HINFP: variants seen among roughly 807,000 people sequenced by gnomAD.
HINFP encodes the protein histone H4 transcription factor.
Under a neutral mutation model 50.1 loss-of-function variants are expected in HINFP, and 20 were observed. The observed-to-expected ratio is 0.40, with a 90% CI of 0.28 to 0.58. The LOEUF (loss-of-function observed/expected upper bound fraction) is 0.58, where lower values mean the gene tolerates loss of function less well. Ranked by LOEUF, HINFP falls within the 20% of genes least tolerant of loss-of-function variation. HINFP has a pLI of 0.45. For missense variants in HINFP, 505 were observed against 664.1 expected (o/e 0.76, Z 2.63); for synonymous variants, 247 against 243.7 (o/e 1.01, Z -0.13).
chr11:119,133,621 G>T, intron 9 of HINFP: 1 of 205,584 alleles, frequency 4.9e-6, no homozygotes, highest in Non-Finnish European at 9.9e-6. Context: ...TTTGATGGTG[G>T]TTTTATGTCT....
rs191611649 is a variant in HINFP at position 119,128,757 on chromosome 11, G to A, written c.181+1632G>A. The stretch of plus-strand genomic sequence containing the variant: ...CTCTGTCGCCAGGCTGGAGTGTGGT[G>A]GTGCGATCTCAGCTCACTGCAACCT... On this transcript the variant is annotated intron_variant, in intron 2 of 9. Coordinates refer to ENST00000350777, the MANE Select transcript of HINFP (RefSeq NM_198971.3). Among the ~76,000 whole-genome samples the A allele has an allele frequency of 2.3e-3, 352 of 151,378 alleles. 4 individuals are homozygous for A. The highest frequency in any genetic ancestry group is 8.3e-3 in the African/African-American group (340 of 41,210).
In HINFP at chr11:119,134,792, G is replaced by A. The variant is rs1489644565; in HGVS notation, c.*294G>A. 6.6e-6 allele frequency: 2 copies of A among 302,918 alleles called. No individual in the cohort carries two copies. The highest frequency in any genetic ancestry group is 1.1e-4 in the East Asian group (2 of 17,598). 18.8% of individuals were successfully genotyped at this position (302,918 alleles called of 1,614,324 possible). ...GGCTTAACCATAACCCTCAAGATCTGCTTGACAGTGATTAAATCCTTAGCT... is the reference window on the plus strand; with the variant it reads ...GGCTTAACCATAACCCTCAAGATCTACTTGACAGTGATTAAATCCTTAGCT... On this transcript the variant is annotated 3_prime_UTR_variant, in exon 10 of 10. Transcript: ENST00000350777. This position sits in a 1 kb window ranked among gnomAD's most constrained non-coding sequence, Gnocchi z 4.3.
chr11:119,127,164 A>C, intron 2 of HINFP, 39 bp downstream of exon 2: 1 of 1,495,330 alleles, frequency 6.7e-7, no homozygotes, highest in Non-Finnish European at 8.9e-7. Context: ...GAGCTCAAGG[A>C]AAGGTGGAAA....
chr11:119,131,725 T>C lies in HINFP; in HGVS notation c.523+79T>C, dbSNP rs2135072654. On this transcript the variant is annotated intron_variant, in intron 4 of 9. Coordinates refer to ENST00000350777, the MANE Select transcript of HINFP (RefSeq NM_198971.3). The surrounding 1 kb of genome is among the most constrained non-coding windows in gnomAD (Gnocchi z 4.2). Reference sequence around the variant, plus strand: ...GAGCTGGGACAGAAAGGGATAGGGGTCCTACAGGGGCAAGGTTGACTGCCG... The same window carrying C: ...GAGCTGGGACAGAAAGGGATAGGGGCCCTACAGGGGCAAGGTTGACTGCCG... 1.3e-6 allele frequency: 2 copies of C among 1,586,172 alleles called. No homozygotes were observed. The highest frequency in any genetic ancestry group is 1.7e-6 in the Non-Finnish European group (2 of 1,155,786).
At chr11:119,129,363 G>C (rs1306905718) in intron 2 of HINFP, among the ~76,000 whole-genome samples, 1 of 151,504 alleles carries the variant, frequency 6.6e-6, no homozygotes, top group African/African-American at 2.4e-5. Context: ...TTTAGAGACA[G>C]AGTCTTGCTA....
At chr11:119,130,370 A>G (rs1256559119) in intron 2 of HINFP, 1 of 266,436 alleles carries the variant, frequency 3.8e-6, no homozygotes, top group Admixed American at 5.1e-5. Flanking sequence ...CACCATGTCA[A>G]ATGACCTCTG....
intron 5 of HINFP, 174 bp downstream of exon 5, chr11:119,132,156 T>C (rs1947797907): frequency 1.4e-6 from 1 of 691,184 alleles, no homozygotes; most frequent in Non-Finnish European, 2.4e-6. Context: ...GGCATTGTTA[T>C]TCAGTACTTA....
In HINFP at chr11:119,131,962, G is replaced by A. The variant is rs777972988; in HGVS notation, c.656G>A (p.Arg219His). The A allele has an allele frequency of 1.9e-5, 31 of 1,613,968 alleles. No individual in the cohort carries two copies. The highest frequency in any genetic ancestry group is 2.4e-5 in the Non-Finnish European group (28 of 1,180,018). Residue 219 changes from arginine (R) to histidine (H), a missense_variant, in exon 5 of 10, where the codon CGT becomes CAT. Coordinates refer to ENST00000350777, the MANE Select transcript of HINFP (RefSeq NM_198971.3). This position sits in a 1 kb window ranked among gnomAD's most constrained non-coding sequence, Gnocchi z 4.2. The part of the protein sequence containing the change: ...ANNTKFLDHI[R>H]RQTSLDQQHF... ...AATACCAAGTTCTTAGATCACATCC[G>A]TCGCCAGACCTCATTGGATCGTAAG...
At position 119,131,279 on chromosome 11, in the gene HINFP, A is replaced by G. The variant is rs1210000042; in HGVS notation, c.412-256A>G. The stretch of plus-strand genomic sequence containing the variant: ...AACTTCTAAATTTTTTGTAGAGACA[A>G]GGTCTGGGTGTGTTGCCCAGGCCGG... On this transcript the variant is annotated intron_variant, in intron 3 of 9. Transcript: ENST00000350777. This position sits in a 1 kb window ranked among gnomAD's most constrained non-coding sequence, Gnocchi z 4.2. 1.8e-6 allele frequency: 1 copy of G among 567,766 alleles called. No homozygotes were observed. Among genetic ancestry groups the G allele is most frequent in the East Asian group, 3.3e-5 (1 of 30,684 alleles). The allele number at this position is 567,766 out of a possible 1,614,324, so 35.2% of individuals were successfully genotyped here.
chr11:119,128,556 G>A (rs1023908360), intron 2 of HINFP, among the ~76,000 whole-genome samples: 1 of 150,254 alleles, frequency 6.7e-6, no homozygotes, highest in Non-Finnish European at 1.5e-5. Flanking sequence ...TTGAACTCCT[G>A]ACCTCAGGTG....
Position 119,129,490 on chromosome 11 carries a change from C to CTTTT in HINFP, c.182-1223_182-1220dup, listed in dbSNP as rs59395600. ...TCTGGCAGGAATACATTTTTCTTTT[C>CTTTT]TTTTTTTTTTTTTTTGTGGGAGTGC... On this transcript the variant is annotated intron_variant, in intron 2 of 9. Transcript: ENST00000350777. Among the ~76,000 whole-genome samples the CTTTT allele has an allele frequency of 1.8e-4, 22 of 124,182 alleles. 2 individuals are homozygous for CTTTT. In the East Asian group the frequency reaches 4.0e-3, roughly 23 times the overall value. The allele number at this position is 124,182 out of a possible 152,430, so 81.5% of individuals were successfully genotyped here.
At chr11:119,133,044 G>A in intron 8 of HINFP, 42 bp downstream of exon 8, 1 of 1,614,146 alleles carries the variant, frequency 6.2e-7, no homozygotes, top group South Asian at 1.1e-5. Flanking sequence ...GGAAGTATGG[G>A]GGACCCTGGG....
chr11:119,131,052 C>T lies in HINFP; in HGVS notation c.411+98C>T. ...GGGATGCCTTATATTTCCAAGATTC[C>T]TGCTAGTATCTCTCTTCCATTTCTT... is the stretch of plus-strand genomic sequence containing the variant. On this transcript the variant is annotated intron_variant, in intron 3 of 9. Coordinates refer to ENST00000350777, the MANE Select transcript of HINFP (RefSeq NM_198971.3). The surrounding 1 kb of genome is among the most constrained non-coding windows in gnomAD (Gnocchi z 4.2). 2.1e-6 allele frequency: 2 copies of T among 943,868 alleles called. No individual in the cohort carries two copies. Among genetic ancestry groups the T allele is most frequent in the African/African-American group, 1.6e-5 (1 of 61,934 alleles). 58.5% of individuals were successfully genotyped at this position (943,868 alleles called of 1,614,324 possible).
In HINFP at chr11:119,132,707, T is replaced by G. The variant is rs1947836435; in HGVS notation, c.801T>G (p.Pro267=). 1 of 1,613,902 alleles carries G rather than the reference T, an allele frequency of 6.2e-7. No homozygotes were observed. The highest frequency in any genetic ancestry group is 8.5e-7 in the Non-Finnish European group (1 of 1,180,024). The stretch of plus-strand genomic sequence containing the variant: ...TGTGTGACATGACCTGCCCGCTGCC[T>G]TCCTCCCTCCGCAACCACATGCGCT... ...CPLCDMTCPL[P]SSLRNHMRFR... The change falls in exon 7 of 10, where the codon CCT becomes CCG. Residue 267 remains proline (P), a synonymous_variant. Transcript: ENST00000350777.
At chr11:119,122,476 A>C (rs931969404) in intron 1 of HINFP, among the ~76,000 whole-genome samples, 3 of 152,198 alleles carry the variant, frequency 2.0e-5, no homozygotes, top group Non-Finnish European at 4.4e-5. Context: ...GGCAACATGA[A>C]AATAGGGTTG....
chr11:119,133,802 C>A, intron 9 of HINFP: 1 of 547,300 alleles, frequency 1.8e-6, no homozygotes, highest in Non-Finnish European at 3.3e-6. Flanking sequence ...AGCTCCAAGG[C>A]CTTCTCATAA....
At position 119,133,120 on chromosome 11, in the gene HINFP, G is replaced by A. The variant is rs1283417755; in HGVS notation, c.1040G>A (p.Cys347Tyr). The change falls in exon 9 of 10, where the codon TGT (cysteine) becomes TAT (tyrosine). Residue 347 changes from cysteine (C) to tyrosine (Y), a missense_variant. By Grantham distance (194) the Cys-to-Tyr change is radical. Transcript: ENST00000350777. ...GGAGACTCTGAGCCAAGGTACAAAT[G>A]TCATGTGTGTGACAAATGCTTCACA... ...HEGDSEPRYK[C>Y]HVCDKCFTRG... is the part of the protein sequence containing the mutation. 1 of 1,614,114 alleles carries A rather than the reference G, an allele frequency of 6.2e-7. No individual in the cohort carries two copies.
At position 119,131,406 on chromosome 11, in the gene HINFP, C is replaced by A; in HGVS notation, c.412-129C>A. Reference sequence around the variant, plus strand: ...ACCCGGCCACTCCTCCATTTCTGTGCAGTGCCTTTCCTCAAAATTTCCCAT... The same window carrying A: ...ACCCGGCCACTCCTCCATTTCTGTGAAGTGCCTTTCCTCAAAATTTCCCAT... On this transcript the variant is annotated intron_variant, in intron 3 of 9. Coordinates refer to ENST00000350777, the MANE Select transcript of HINFP (RefSeq NM_198971.3). The surrounding 1 kb of genome is among the most constrained non-coding windows in gnomAD (Gnocchi z 4.2). 1.4e-6 allele frequency: 1 copy of A among 710,924 alleles called. No homozygotes were observed. Among genetic ancestry groups the A allele is most frequent in the Non-Finnish European group, 2.5e-6 (1 of 392,192 alleles). The allele number at this position is 710,924 out of a possible 1,614,324, so 44.0% of individuals were successfully genotyped here.
intron 1 of HINFP, chr11:119,124,643 C>A (rs624588): frequency 6.6e-6 from 1 of 152,044 alleles, no homozygotes; most frequent in African/African-American, 2.4e-5. Flanking sequence ...GAACTTCTCA[C>A]GCAGGCGCTG....
Sources: allele counts gnomAD v4.1 joint callset (sites outside exome capture counted in the v4.1 genomes callset), GRCh38; gene constraint gnomAD v4.1.1; non-coding constraint Gnocchi (gnomAD v3.1); transcripts MANE v1.5; gene names NCBI Gene and HGNC (gene_info 2026-07-23, HGNC 2026-07-21).